Variants in DCLK1 observed in about 807,000 individuals in gnomAD.
DCLK1 encodes serine/threonine-protein kinase DCLK1.
Under a neutral mutation model 86.2 loss-of-function variants are expected in DCLK1, and 16 were observed. The observed-to-expected ratio is 0.19, with a 90% confidence interval of 0.13 to 0.28. DCLK1 has a LOEUF of 0.28. Among genes scored for constraint, DCLK1 ranks in the 10% least tolerant of loss-of-function variants. The pLI is 1.00. For synonymous variants in DCLK1, 369 were observed against 370.5 expected (o/e 1.00, Z 0.05); for missense variants, 590 against 940.2 (o/e 0.63, Z 4.87).
intron 16 of DCLK1, among the ~76,000 whole-genome samples, chr13:35,783,496 A>G (rs1005794939): frequency 5.3e-5 from 8 of 152,140 alleles, no homozygotes; most frequent in Non-Finnish European, 8.8e-5. Context: ...GGGGCGGACT[A>G]GATCCAAACC....
At chr13:36,054,071 G>T (rs1003418526) in intron 3 of DCLK1, among the ~76,000 whole-genome samples, 5 of 152,178 alleles carry the variant, frequency 3.3e-5, no homozygotes, top group African/African-American at 1.2e-4. Flanking sequence ...TTGCAAATTT[G>T]TGGGTCGAGC....
chr13:35,924,880 C>T (rs1323367962), intron 4 of DCLK1, among the ~76,000 whole-genome samples: 1 of 152,164 alleles, frequency 6.6e-6, no homozygotes, highest in Admixed American at 6.5e-5. Context: ...AAGAATACAG[C>T]TACCTGTACA....
intron 3 of DCLK1, among the ~76,000 whole-genome samples, chr13:36,085,526 T>C (rs956571521): frequency 9.2e-5 from 14 of 152,168 alleles, no homozygotes; most frequent in African/African-American, 3.1e-4. Flanking sequence ...AAAATGACCA[T>C]CAATAACTAG....
chr13:35,894,290 G>T lies in DCLK1; in HGVS notation c.824-22950C>A, dbSNP rs149753408. Among the ~76,000 whole-genome samples the T allele has an allele frequency of 8.0e-4, 122 of 152,256 alleles. No homozygotes were observed. The East Asian group carries it at 0.019, about 24-fold the overall frequency. On this transcript the variant is annotated intron_variant, in intron 4 of 16. Coordinates refer to ENST00000360631, the MANE Select transcript of DCLK1 (RefSeq NM_001330071.2). ...GCAAATGCAGCCCCATTTTAAAGATGAACTTAAGGCTTAGCACGGCAAGGA... is the reference window on the plus strand; with the variant it reads ...GCAAATGCAGCCCCATTTTAAAGATTAACTTAAGGCTTAGCACGGCAAGGA...
intron 3 of DCLK1, among the ~76,000 whole-genome samples, chr13:36,023,049 C>T (rs1485803365): frequency 6.6e-6 from 1 of 152,102 alleles, no homozygotes; most frequent in South Asian, 2.1e-4. Context: ...GAGTGTATAC[C>T]ATTAGCAACA....
chr13:35,792,115 T>C (rs1593592484), intron 16 of DCLK1, among the ~76,000 whole-genome samples: 1 of 152,208 alleles, frequency 6.6e-6, no homozygotes, highest in South Asian at 2.1e-4. Context: ...AACTTGAAAT[T>C]TTAAAACTTC....
At chr13:36,124,005 GGA>G (rs1402680729) in intron 2 of DCLK1, among the ~76,000 whole-genome samples, 1 of 152,152 alleles carries the variant, frequency 6.6e-6, no homozygotes, top group Non-Finnish European at 1.5e-5. Context: ...TTTCTGGGTG[GGA>G]AACTGATTGA....
At chr13:36,024,437 T>C (rs907775695) in intron 3 of DCLK1, among the ~76,000 whole-genome samples, 1 of 152,032 alleles carries the variant, frequency 6.6e-6, no homozygotes, top group African/African-American at 2.4e-5. Context: ...TTCTATAAAC[T>C]AACGAGAAAT....
chr13:35,942,038 T>C (rs2153131939), intron 4 of DCLK1, among the ~76,000 whole-genome samples: 1 of 152,308 alleles, frequency 6.6e-6, no homozygotes, highest in East Asian at 1.9e-4. Context: ...TTTATATGAA[T>C]TAAAGTTTAT....
chr13:36,046,539 C>T (rs1180018208), intron 3 of DCLK1, among the ~76,000 whole-genome samples: 1 of 152,168 alleles, frequency 6.6e-6, no homozygotes, highest in Non-Finnish European at 1.5e-5. Flanking sequence ...ATGGCTGTGC[C>T]AGCACAGAGC....
At chr13:35,870,386 C>T (rs377196276) in intron 5 of DCLK1, among the ~76,000 whole-genome samples, 7 of 152,080 alleles carry the variant, frequency 4.6e-5, no homozygotes, top group African/African-American at 1.4e-4. Context: ...CAGCCTCAGC[C>T]GAGAGCTCTT....
intron 8 of DCLK1, among the ~76,000 whole-genome samples, chr13:35,833,135 G>T (rs960637341): frequency 2.6e-5 from 4 of 152,096 alleles, no homozygotes; most frequent in Admixed American, 6.6e-5. Flanking sequence ...GGTGCCGGTG[G>T]GAGAGACAGA....
At chr13:35,860,485 C>T (rs1871318725) in intron 5 of DCLK1, among the ~76,000 whole-genome samples, 1 of 151,932 alleles carries the variant, frequency 6.6e-6, no homozygotes, top group East Asian at 1.9e-4. Context: ...TGAACTGAGA[C>T]AATGGGTCCA....
chr13:35,781,473 G>T (rs1309003622), intron 16 of DCLK1, among the ~76,000 whole-genome samples: 4 of 152,102 alleles, frequency 2.6e-5, no homozygotes, highest in African/African-American at 9.7e-5. Context: ...CAAACAATAG[G>T]CCTTACAGTC....
At chr13:35,850,705 G>A (rs1429130598) in intron 6 of DCLK1, 1 of 1,594,302 alleles carries the variant, frequency 6.3e-7, no homozygotes, top group Non-Finnish European at 8.5e-7. Flanking sequence ...CATATACATT[G>A]CTCCATTGTT....
intron 4 of DCLK1, among the ~76,000 whole-genome samples, chr13:35,888,134 CA>C (rs1873407149): frequency 6.6e-6 from 1 of 152,010 alleles, no homozygotes; most frequent in African/African-American, 2.4e-5. Context: ...CCACTTTTGC[CA>C]AAAAGTCTAG....
rs1373372575 is a variant in DCLK1 at position 35,768,984 on chromosome 13, A to T, written c.*5551T>A. On this transcript the variant is annotated 3_prime_UTR_variant, in exon 17 of 17. Coordinates refer to ENST00000360631, the MANE Select transcript of DCLK1 (RefSeq NM_001330071.2). ...CAGCTAAGGTATTATGTAGTAGTTC[A>T]TACACCAAGTACTATTATTTTATTA... 6.6e-6 allele frequency: 1 copy of T among 152,222 alleles called. No individual in the cohort carries two copies. The highest frequency in any genetic ancestry group is 1.5e-5 in the Non-Finnish European group (1 of 68,038). 9.4% of individuals were successfully genotyped at this position (152,222 alleles called of 1,614,324 possible). A position where few individuals can be genotyped will look rare whatever the true frequency, so the allele number is the denominator to read the frequency against.
intron 3 of DCLK1, among the ~76,000 whole-genome samples, chr13:36,082,326 C>T (rs192106527): frequency 1.3e-5 from 2 of 152,106 alleles, no homozygotes; most frequent in African/African-American, 2.4e-5. Flanking sequence ...TTTTCTTTTC[C>T]CTAGCTTACT....
chr13:36,100,073 T>C (rs899629139), intron 3 of DCLK1, among the ~76,000 whole-genome samples: 4 of 149,390 alleles, frequency 2.7e-5, no homozygotes, highest in Non-Finnish European at 5.9e-5. Flanking sequence ...CCGGGCATGG[T>C]GGCTCACACC....
Sources: allele counts gnomAD v4.1 joint callset (sites outside exome capture counted in the v4.1 genomes callset), GRCh38; gene constraint gnomAD v4.1.1; transcripts MANE v1.5; gene names NCBI Gene and HGNC (gene_info 2026-07-23, HGNC 2026-07-21).